The following ANK2 variants were observed in gnomAD, a reference collection of about 807,000 sequenced individuals.
The protein encoded by ANK2 is ankyrin 2.
A neutral mutation model predicts 360.5 loss-of-function variants in ANK2; 83 were observed. The observed-to-expected ratio is 0.23, with a 90% CI of 0.19 to 0.28. ANK2 has a LOEUF of 0.28. ANK2 is among the 10% of genes least tolerant of loss of function. The pLI is 1.00. For synonymous variants in ANK2, 1,740 were observed against 1,759.5 expected (o/e 0.99, Z 0.28); for missense variants, 4,201 against 4,795.7 (o/e 0.88, Z 3.66).
At position 113,344,405 on chromosome 4, in the gene ANK2, A is replaced by G. The variant is rs555438641; in HGVS notation, c.4248+1263A>G. On this transcript the variant is annotated intron_variant, in intron 34 of 45. Transcript: ENST00000357077. ...AAACAGAAAATAAACAAATGTTGGGAAGGATGTGGACGAATTGGGGCCCTA... is the reference window on the plus strand; with the variant it reads ...AAACAGAAAATAAACAAATGTTGGGGAGGATGTGGACGAATTGGGGCCCTA... 2.6e-5 allele frequency among the ~76,000 whole-genome samples: 4 copies of G among 152,306 alleles called. No homozygotes were observed. The East Asian group carries it at 7.7e-4, about 29-fold the overall frequency.
intron 2 of ANK2, among the ~76,000 whole-genome samples, chr4:113,177,579 CAAA>C (rs2098265518): frequency 1.3e-5 from 2 of 152,094 alleles, no homozygotes; most frequent in South Asian, 4.1e-4. Context: ...TGAAGTATAA[CAAA>C]TACATTAATT....
chr4:113,082,129 A>C (rs2082639098), intron 1 of ANK2, among the ~76,000 whole-genome samples: 1 of 152,098 alleles, frequency 6.6e-6, no homozygotes, highest in Non-Finnish European at 1.5e-5. Flanking sequence ...GTATTCTTTT[A>C]ATTAGTTCTA....
chr4:113,168,621 G>A (rs944222902), intron 1 of ANK2, among the ~76,000 whole-genome samples: 11 of 152,184 alleles, frequency 7.2e-5, no homozygotes, highest in Non-Finnish European at 1.5e-4. Context: ...TAAATTGGTA[G>A]CAGCTGAATA....
intron 2 of ANK2, among the ~76,000 whole-genome samples, chr4:112,922,907 TA>T (rs1356540666): frequency 1.3e-5 from 2 of 152,350 alleles, no homozygotes; most frequent in East Asian, 3.9e-4. Context: ...CCTCTGTTTC[TA>T]TTATTATAAA....
chr4:113,285,930 A>G (rs984947682), intron 18 of ANK2, among the ~76,000 whole-genome samples: 1 of 152,210 alleles, frequency 6.6e-6, no homozygotes, highest in Non-Finnish European at 1.5e-5. Context: ...TGAGACAGCA[A>G]CTGTGGACAA....
intron 1 of ANK2, among the ~76,000 whole-genome samples, chr4:113,136,947 G>A (rs750772973): frequency 2.0e-5 from 3 of 151,876 alleles, no homozygotes; most frequent in Non-Finnish European, 4.4e-5. Context: ...TAGTAGAGAC[G>A]AGGTTTCACC....
At chr4:113,003,768 A>G (rs753101996) in intron 2 of ANK2, among the ~76,000 whole-genome samples, 30 of 152,222 alleles carry the variant, frequency 2.0e-4, no homozygotes, top group Non-Finnish European at 4.3e-4. Flanking sequence ...GTGTCGCTTA[A>G]CGACAGGGAT....
At chr4:112,758,678 C>G in the ANK2 span, among the ~76,000 whole-genome samples, 6 of 152,142 alleles carry the variant, frequency 3.9e-5, no homozygotes, top group African/African-American at 1.4e-4. Flanking sequence ...GCCTCCCAAG[C>G]TGTTGGGATT....
chr4:113,005,639 G>A (rs1173662138), intron 2 of ANK2, among the ~76,000 whole-genome samples: 1 of 152,158 alleles, frequency 6.6e-6, no homozygotes, highest in African/African-American at 2.4e-5. Flanking sequence ...CAAACATACA[G>A]TTAGATAGAA....
intron 2 of ANK2, among the ~76,000 whole-genome samples, chr4:113,016,161 A>G (rs1229618418): frequency 1.3e-5 from 2 of 152,052 alleles, no homozygotes; most frequent in Non-Finnish European, 2.9e-5. Context: ...AAGTGTTGGG[A>G]TTACAGACAT....
chr4:112,861,478 G>A (rs1247239461), intron 1 of ANK2, among the ~76,000 whole-genome samples: 4 of 152,156 alleles, frequency 2.6e-5, no homozygotes, highest in Non-Finnish European at 5.9e-5. Context: ...CTACAGGCGT[G>A]CTAGTATAAG....
chr4:112,745,045 T>A, the ANK2 span, among the ~76,000 whole-genome samples: 1 of 152,254 alleles, frequency 6.6e-6, no homozygotes, highest in East Asian at 1.9e-4. Context: ...TAGTTTTTTC[T>A]CAGTTGGACT....
At chr4:112,729,603 C>T in the ANK2 span, among the ~76,000 whole-genome samples, 2 of 151,898 alleles carry the variant, frequency 1.3e-5, no homozygotes, top group Admixed American at 1.3e-4. Flanking sequence ...CAAAAATTAT[C>T]TGGGCATGGT....
chr4:112,864,856 C>T (rs1450854181), intron 1 of ANK2, among the ~76,000 whole-genome samples: 1 of 150,198 alleles, frequency 6.7e-6, no homozygotes, highest in Non-Finnish European at 1.5e-5. Flanking sequence ...CACGTTGAAA[C>T]CCCGTCTCTA....
chr4:112,764,366 G>A, the ANK2 span, among the ~76,000 whole-genome samples: 10 of 150,878 alleles, frequency 6.6e-5, no homozygotes, highest in Non-Finnish European at 1.2e-4. Context: ...AAGAAGTTTC[G>A]TTCTTGTTGT....
intron 1 of ANK2, among the ~76,000 whole-genome samples, chr4:112,893,992 G>T (rs2080975458): frequency 6.6e-6 from 1 of 152,032 alleles, no homozygotes; most frequent in Non-Finnish European, 1.5e-5. Context: ...GCAACACTCC[G>T]TTTCAAAAAA....
intron 4 of ANK2, among the ~76,000 whole-genome samples, chr4:113,205,502 T>C (rs1041911287): frequency 2.0e-5 from 3 of 152,186 alleles, no homozygotes; most frequent in Non-Finnish European, 2.9e-5. Context: ...TTTTTGCCTG[T>C]TTTGTGATTA....
chr4:113,163,436 CTTA>C (rs1379834376), intron 1 of ANK2, among the ~76,000 whole-genome samples: 5 of 151,800 alleles, frequency 3.3e-5, no homozygotes, highest in Non-Finnish European at 7.4e-5. Context: ...CTTTTGTCAT[CTTA>C]CAGATGACAA....
At chr4:113,184,302 T>C (rs1056432474) in intron 2 of ANK2, among the ~76,000 whole-genome samples, 3 of 151,326 alleles carry the variant, frequency 2.0e-5, no homozygotes, top group African/African-American at 7.3e-5. Context: ...GCAGGGATGA[T>C]GGTGGAGTTG....
Sources: gnomAD v4.1 joint callset for allele counts (sites outside exome capture counted in the v4.1 genomes callset) on GRCh38, gnomAD v4.1.1 for gene constraint, MANE v1.5 for transcripts, NCBI Gene and HGNC (gene_info 2026-07-23, HGNC 2026-07-21) for gene names.